The following CES5A variants were observed in gnomAD, a reference collection of about 807,000 sequenced individuals.
CES5A encodes carboxylesterase 5A.
In CES5A, 67 loss-of-function variants were observed where a neutral mutation model predicts 62.9. The observed-to-expected ratio is 1.07, with a 90% CI of 0.88 to 1.31. The LOEUF (loss-of-function observed/expected upper bound fraction) is 1.31. Among genes scored for constraint, CES5A ranks in the 50% most tolerant of loss-of-function variants. The pLI is 0.00. For missense variants in CES5A, 748 were observed against 708.5 expected, an observed-to-expected ratio of 1.06 and a Z score of -0.63; for synonymous variants, 296 against 280.8, an observed-to-expected ratio of 1.05 and a Z score of -0.54.
At chr16:55,870,679 C>T (rs1428258458) in intron 3 of CES5A, among the ~76,000 whole-genome samples, 2 of 152,054 alleles carry the variant, frequency 1.3e-5, no homozygotes, top group African/African-American at 4.8e-5. Context: ...GCCTGGGCAA[C>T]AGAGCAAGAC....
rs761050788 is a variant in CES5A, at chr16:55,871,616, C to T, written c.417+9G>A. ...GCTAGAGCCCGAAGCACACAGCAGG[C>T]AGCCTTACGGGGAGCTTGGAGCCTG... On this transcript the variant is annotated intron_variant, in intron 3 of 12. Transcript: ENST00000290567. The T allele has an allele frequency of 2.3e-5, 37 of 1,613,678 alleles. No homozygotes were observed. The South Asian group carries it at 4.0e-4, about 17-fold the overall frequency.
At chr16:55,903,959 T>G (rs563790911) in intron 1 of CES5A, among the ~76,000 whole-genome samples, 2 of 152,328 alleles carry the variant, frequency 1.3e-5, no homozygotes, top group Non-Finnish European at 2.9e-5. Context: ...AATCATTAAC[T>G]TGTAGGCACC....
intron 1 of CES5A, among the ~76,000 whole-genome samples, chr16:55,897,050 C>T (rs1597139821): frequency 6.6e-6 from 1 of 152,018 alleles, no homozygotes; most frequent in Admixed American, 6.6e-5. Flanking sequence ...CCTCATTCCC[C>T]CATCCCCGCA....
chr16:55,866,101 A>T lies in CES5A; in HGVS notation c.567T>A (p.His189Gln), dbSNP rs748780490. 10 of 1,613,182 alleles carry T rather than the reference A, an allele frequency of 6.2e-6. No individual in the cohort carries two copies. Among genetic ancestry groups the T allele is most frequent in the Non-Finnish European group, 8.5e-6 (10 of 1,179,484 alleles). ...IFGFFTTWDQHAPGNWAFKDQ... is the reference protein window; with the variant it reads ...IFGFFTTWDQQAPGNWAFKDQ... Reference sequence around the variant, plus strand: ...CCTTGAAGGCCCAGTTCCCCGGAGCATGCTGATCCCATGTGCTGAGGACAA... The same window carrying T: ...CCTTGAAGGCCCAGTTCCCCGGAGCTTGCTGATCCCATGTGCTGAGGACAA... The change falls in exon 5 of 13, where the codon CAT (histidine) becomes CAA (glutamine). Residue 189 changes from histidine to glutamine, a missense_variant. Transcript: ENST00000290567.
In CES5A at chr16:55,856,410, C is replaced by A. The variant is rs544222694; in HGVS notation, c.1092G>T (p.Lys364Asn). 44 of 1,614,098 alleles carry A rather than the reference C, an allele frequency of 2.7e-5. No homozygotes were observed. In the African/African-American group the frequency reaches 5.5e-4, roughly 20 times the overall value. Residue 364 changes from lysine to asparagine, a missense_variant, in exon 9 of 13, where the codon AAG becomes AAT. By Grantham distance (94) the Lys-to-Asn change is moderately conservative. Transcript: ENST00000290567. ...EAPEILSGSN[K>N]SLALHLIQNI... ...TTTGTATCAGATGGAGGGCAAGGGACTTGTTGGAGCCACTGAGGATCTCAG... is the reference window on the plus strand; with the variant it reads ...TTTGTATCAGATGGAGGGCAAGGGAATTGTTGGAGCCACTGAGGATCTCAG...
At chr16:55,929,537 A>T (rs1373854612), upstream of CES5A, among the ~76,000 whole-genome samples, 2 of 152,188 alleles carry the variant, frequency 1.3e-5, no homozygotes, top group Non-Finnish European at 2.9e-5. Flanking sequence ...ATCACTTCAA[A>T]ATCAGAGTGC....
intron 1 of CES5A, among the ~76,000 whole-genome samples, chr16:55,899,247 G>A (rs1315311178): frequency 6.6e-6 from 1 of 152,126 alleles, no homozygotes; most frequent in African/African-American, 2.4e-5. Context: ...GAATGGACAG[G>A]TCCCTTTCAG....
intron 11 of CES5A, among the ~76,000 whole-genome samples, chr16:55,848,770 G>A (rs1414438086): frequency 6.6e-6 from 1 of 152,184 alleles, no homozygotes; most frequent in Non-Finnish European, 1.5e-5. Flanking sequence ...GGGAGTCCAT[G>A]TGCCATTACA....
intron 1 of CES5A, among the ~76,000 whole-genome samples, chr16:55,923,728 G>T (rs2034232031): frequency 6.6e-6 from 1 of 151,634 alleles, no homozygotes; most frequent in Admixed American, 6.6e-5. Context: ...AAAACTACAG[G>T]CCATATCACT....
intron 1 of CES5A, among the ~76,000 whole-genome samples, chr16:55,951,448 T>C (rs1454438044): frequency 6.6e-6 from 1 of 152,134 alleles, no homozygotes; most frequent in African/African-American, 2.4e-5. Context: ...AAAAAATAGG[T>C]TGAATAATTT....
intron 1 of CES5A, among the ~76,000 whole-genome samples, chr16:55,909,386 GC>G (rs1200212158): frequency 1.3e-5 from 2 of 152,198 alleles, no homozygotes; most frequent in African/African-American, 4.8e-5. Context: ...ACCAGACTGT[GC>G]CTAGATGTCA....
At chr16:55,850,021 C>T (rs116809707) in intron 10 of CES5A, among the ~76,000 whole-genome samples, 384 of 152,316 alleles carry the variant, frequency 2.5e-3, no homozygotes, top group South Asian at 0.023. Context: ...CTATATTCAG[C>T]CAAGATCTAC....
chr16:55,943,463 T>G (rs1862791783), intron 2 of CES5A, among the ~76,000 whole-genome samples: 1 of 152,206 alleles, frequency 6.6e-6, no homozygotes, highest in African/African-American at 2.4e-5. Flanking sequence ...TCCCTTTCTC[T>G]CTGGCATTAC....
upstream of CES5A, among the ~76,000 whole-genome samples, chr16:55,928,200 G>A (rs2034277550): frequency 1.3e-5 from 2 of 151,896 alleles, no homozygotes; most frequent in South Asian, 2.1e-4. Flanking sequence ...CCAAGATCGA[G>A]CCACTGCACT....
At chr16:55,944,605 A>AT (rs1184286275) in intron 2 of CES5A, 3 of 152,862 alleles carry the variant, frequency 2.0e-5, no homozygotes, top group African/African-American at 4.8e-5. Flanking sequence ...TTCAGTCTAG[A>AT]TTTTTCCTTA....
At chr16:55,948,797 T>C (rs1445540560) in intron 2 of CES5A, among the ~76,000 whole-genome samples, 1 of 152,148 alleles carries the variant, frequency 6.6e-6, no homozygotes, top group Admixed American at 6.5e-5. Context: ...AGGATCAATT[T>C]GGATGGTAAA....
At chr16:55,851,341 G>A (rs945905140) in intron 10 of CES5A, among the ~76,000 whole-genome samples, 3 of 152,054 alleles carry the variant, frequency 2.0e-5, no homozygotes, top group Non-Finnish European at 4.4e-5. Flanking sequence ...GGTCTTAAAC[G>A]TTTCTCCAAA....
exon 2 of CES5A, chr16:55,949,830 A>G: frequency 6.6e-7 from 1 of 1,524,728 alleles, no homozygotes; most frequent in Non-Finnish European, 8.8e-7. Flanking sequence ...CTCAATACAT[A>G]CAAAGTTGAG....
At chr16:55,933,623 A>G (rs1400807625) in intron 2 of CES5A, among the ~76,000 whole-genome samples, 2 of 152,102 alleles carry the variant, frequency 1.3e-5, no homozygotes, top group Non-Finnish European at 2.9e-5. Flanking sequence ...GAATTATCTC[A>G]CTAAAGCTGT....
Sources: allele counts gnomAD v4.1 joint callset (sites outside exome capture counted in the v4.1 genomes callset), GRCh38; gene constraint gnomAD v4.1.1; transcripts MANE v1.5; gene names NCBI Gene and HGNC (gene_info 2026-07-23, HGNC 2026-07-21).